The following PTCHD4 variants were observed in gnomAD, a reference collection of about 807,000 sequenced individuals.
The protein encoded by PTCHD4 is patched domain-containing protein 4.
In PTCHD4, 33 loss-of-function variants were observed where a neutral mutation model predicts 58.1. The ratio of observed to expected loss-of-function variants is 0.57; its 90% CI spans 0.43 to 0.76. PTCHD4 has a LOEUF of 0.76. Among genes scored for constraint, PTCHD4 ranks in the 30% least tolerant of loss-of-function variants. The pLI, the probability that PTCHD4 is intolerant of heterozygous loss-of-function variation, is 0.00. For synonymous variants in PTCHD4, 478 were observed against 409.6 expected (o/e 1.17, Z -2.02); for missense variants, 1,058 against 1,027.1 (o/e 1.03, Z -0.41).
At chr6:47,892,421 G>A (rs745663386) in intron 4 of PTCHD4, among the ~76,000 whole-genome samples, 6 of 152,074 alleles carry the variant, frequency 3.9e-5, no homozygotes, top group Admixed American at 6.6e-5. Flanking sequence ...AGTGCTGCCC[G>A]GTAAGATATG....
Position 47,873,239 on chromosome 6 carries a change from A to G in PTCHD4, c.*5064T>C, listed in dbSNP as rs1763763405. 6.6e-6 allele frequency among the ~76,000 whole-genome samples: 1 copy of G among 151,860 alleles called. No homozygotes were observed. Among genetic ancestry groups the G allele is most frequent in the Admixed American group, 6.6e-5 (1 of 15,216 alleles). On this transcript the variant is annotated 3_prime_UTR_variant, in exon 5 of 5. Transcript: ENST00000339488. Reference sequence around the variant, plus strand: ...AGTTTGCTAGCAGTTGAGAATCTATAGTTTTGCAACACCACGTGATTCTCT... The same window carrying G: ...AGTTTGCTAGCAGTTGAGAATCTATGGTTTTGCAACACCACGTGATTCTCT...
At chr6:47,937,779 G>T (rs529973486) in intron 4 of PTCHD4, among the ~76,000 whole-genome samples, 1 of 152,310 alleles carries the variant, frequency 6.6e-6, no homozygotes, top group Admixed American at 6.5e-5. Flanking sequence ...GTTGGAAGAA[G>T]AGAGGGGACC....
At chr6:48,100,360 A>C (rs1364008388) in intron 1 of PTCHD4, among the ~76,000 whole-genome samples, 1 of 152,204 alleles carries the variant, frequency 6.6e-6, no homozygotes, top group African/African-American at 2.4e-5. Context: ...AGGCCTCCTG[A>C]AAATGTGATG....
intron 4 of PTCHD4, among the ~76,000 whole-genome samples, chr6:47,972,779 C>G (rs1767565232): frequency 6.6e-6 from 1 of 151,898 alleles, no homozygotes; most frequent in Non-Finnish European, 1.5e-5. Flanking sequence ...GATGATGCTT[C>G]TAAGTGATGA....
chr6:47,973,791 A>T (rs1480513944), intron 4 of PTCHD4, among the ~76,000 whole-genome samples: 1 of 152,262 alleles, frequency 6.6e-6, no homozygotes, highest in Non-Finnish European at 1.5e-5. Flanking sequence ...TTTACATACA[A>T]ATTCAATCCT....
chr6:48,098,570 C>A (rs1410877494), intron 1 of PTCHD4, among the ~76,000 whole-genome samples: 1 of 152,116 alleles, frequency 6.6e-6, no homozygotes, highest in Admixed American at 6.6e-5. Flanking sequence ...AACTCCTGAC[C>A]TCAACTGATC....
At chr6:47,886,119 A>AT (rs34214628) in intron 4 of PTCHD4, among the ~76,000 whole-genome samples, 89,897 of 145,824 alleles carry the variant, frequency 0.62, 27,887 homozygotes, top group East Asian at 0.77. Flanking sequence ...CGATGGCAAG[A>AT]TTTTTTTTTT....
In PTCHD4 at chr6:48,019,628, C is replaced by T. The variant is rs553439042; in HGVS notation, c.418-10514G>A. On this transcript the variant is annotated intron_variant, in intron 3 of 4. Coordinates refer to ENST00000339488, the MANE Select transcript of PTCHD4 (RefSeq NM_001384253.1). ...GGGGGCTCCTGTAATTCCAGCTACT[C>T]GGGAGGCTGAGGCAGGAGAATGGCG... Among the ~76,000 whole-genome samples, 420 of 151,622 alleles carry T rather than the reference C, an allele frequency of 2.8e-3. 1 individual carries two copies. The highest frequency in any genetic ancestry group is 8.8e-3 in the African/African-American group (365 of 41,316).
At chr6:48,009,237 G>T in intron 3 of PTCHD4, 123 bp from the exon 4 acceptor site, 1 of 1,020,712 alleles carries the variant, frequency 9.8e-7, no homozygotes, top group Non-Finnish European at 1.4e-6. Flanking sequence ...AAACTGATGT[G>T]GGTGGAGAGG....
At chr6:48,015,204 A>T in intron 3 of PTCHD4, among the ~76,000 whole-genome samples, 1 of 152,032 alleles carries the variant, frequency 6.6e-6, no homozygotes, top group South Asian at 2.1e-4. Context: ...AACTGAACTG[A>T]CATCATTAAG....
At chr6:48,072,346 T>C (rs1764991393) in intron 1 of PTCHD4, among the ~76,000 whole-genome samples, 1 of 152,228 alleles carries the variant, frequency 6.6e-6, no homozygotes, top group South Asian at 2.1e-4. Context: ...TGAAAATACT[T>C]TCTTGCTTAA....
intron 4 of PTCHD4, among the ~76,000 whole-genome samples, chr6:47,888,643 G>GTTTGTT (rs947321214): frequency 6.6e-6 from 1 of 151,922 alleles, no homozygotes; most frequent in East Asian, 1.9e-4. Flanking sequence ...TTGTTTGTTT[G>GTTTGTT]TTTGTTTTTG....
intron 4 of PTCHD4, among the ~76,000 whole-genome samples, chr6:47,948,097 GT>G (rs1766490872): frequency 6.6e-6 from 1 of 152,236 alleles, no homozygotes; most frequent in African/African-American, 2.4e-5. Flanking sequence ...AGCTGGAGCT[GT>G]GGTCTTAGCT....
intron 4 of PTCHD4, among the ~76,000 whole-genome samples, chr6:47,951,175 T>C (rs113662231): frequency 0.033 from 5,043 of 152,328 alleles, 149 homozygotes; most frequent in African/African-American, 0.074. Context: ...AATTCTTGTC[T>C]TTGAAAACTC....
intron 3 of PTCHD4, among the ~76,000 whole-genome samples, chr6:48,024,521 C>A (rs1233097739): frequency 2.0e-5 from 3 of 152,126 alleles, no homozygotes; most frequent in East Asian, 3.9e-4. Context: ...TAGACATAGG[C>A]TTTCTCTACT....
intron 4 of PTCHD4, among the ~76,000 whole-genome samples, chr6:47,940,897 C>G (rs1046484770): frequency 1.3e-5 from 2 of 152,086 alleles, no homozygotes; most frequent in Non-Finnish European, 2.9e-5. Flanking sequence ...GGGTGGTAAG[C>G]CTAATATCTC....
At chr6:48,023,433 G>T (rs983717252) in intron 3 of PTCHD4, among the ~76,000 whole-genome samples, 2 of 152,160 alleles carry the variant, frequency 1.3e-5, no homozygotes, top group Non-Finnish European at 2.9e-5. Context: ...GTCATCACTT[G>T]TGAGTCTGGT....
At chr6:48,070,990 T>A (rs1393019548) in intron 1 of PTCHD4, among the ~76,000 whole-genome samples, 2 of 152,230 alleles carry the variant, frequency 1.3e-5, no homozygotes, top group African/African-American at 4.8e-5. Flanking sequence ...GAAATGGACA[T>A]TGTTGCATAA....
intron 1 of PTCHD4, among the ~76,000 whole-genome samples, chr6:48,087,855 T>C (rs1272178759): frequency 6.6e-6 from 1 of 152,220 alleles, no homozygotes; most frequent in Non-Finnish European, 1.5e-5. Context: ...ATTTTATCTA[T>C]GTATATTTAG....
Sources: gnomAD v4.1 joint callset for allele counts (sites outside exome capture counted in the v4.1 genomes callset) on GRCh38, gnomAD v4.1.1 for gene constraint, MANE v1.5 for transcripts, NCBI Gene and HGNC (gene_info 2026-07-23, HGNC 2026-07-21) for gene names.